Variants in MLF1 observed in about 807,000 individuals in gnomAD.
MLF1 encodes the protein myelodysplasia-myeloid leukemia factor 1.
Under a neutral mutation model 38.3 loss-of-function variants are expected in MLF1, and 37 were observed. That is an observed-to-expected ratio of 0.96 (90% confidence interval 0.74 to 1.27). The LOEUF (loss-of-function observed/expected upper bound fraction) is 1.27. Among genes scored for constraint, MLF1 ranks in the 50% most tolerant of loss-of-function variants. MLF1 has a pLI of 0.00. For synonymous variants in MLF1, 95 were observed against 106.5 expected (o/e 0.89, Z 0.66); for missense variants, 331 against 349.2 (o/e 0.95, Z 0.42).
intron 1 of MLF1, among the ~76,000 whole-genome samples, chr3:158,571,711 G>T (rs1266510541): frequency 5.9e-5 from 6 of 101,772 alleles, no homozygotes; most frequent in African/African-American, 2.5e-4. Context: ...ATGAGGTGGG[G>T]AGAAGAGGTT....
intron 7 of MLF1, 65 bp from the exon 8 acceptor site, chr3:158,605,032 G>T (rs1311106889): frequency 5.2e-6 from 6 of 1,143,152 alleles, no homozygotes; most frequent in South Asian, 2.9e-5. Context: ...TAACATGTTT[G>T]TATTGATTTA....
At chr3:158,582,801 T>G (rs1460679407) in intron 1 of MLF1, 2 of 634,180 alleles carry the variant, frequency 3.2e-6, no homozygotes, top group Non-Finnish European at 5.5e-6. Flanking sequence ...AAAAATTTGG[T>G]GAATTTGTTG....
At chr3:158,593,940 T>C (rs1718528345) in intron 3 of MLF1, among the ~76,000 whole-genome samples, 2 of 152,310 alleles carry the variant, frequency 1.3e-5, no homozygotes, top group South Asian at 4.1e-4. Context: ...TTTTGTGCTG[T>C]GTCTGTGATG....
At chr3:158,575,597 A>G (rs950539620) in intron 1 of MLF1, among the ~76,000 whole-genome samples, 3 of 152,174 alleles carry the variant, frequency 2.0e-5, no homozygotes, top group African/African-American at 7.2e-5. Context: ...GACCTTAGGA[A>G]CATAGAGATG....
At chr3:158,603,432 C>T (rs923141987) in intron 7 of MLF1, among the ~76,000 whole-genome samples, 3 of 152,104 alleles carry the variant, frequency 2.0e-5, no homozygotes, top group African/African-American at 4.8e-5. Flanking sequence ...ATACCATATT[C>T]GATGTGTATT....
intron 1 of MLF1, among the ~76,000 whole-genome samples, chr3:158,590,320 A>G (rs551819344): frequency 4.8e-4 from 73 of 152,320 alleles, no homozygotes; most frequent in Non-Finnish European, 9.6e-4. Flanking sequence ...TTAAACATTG[A>G]CTATCCTATA....
chr3:158,600,376 ATTAC>A (rs1719570338), intron 6 of MLF1, among the ~76,000 whole-genome samples: 1 of 151,870 alleles, frequency 6.6e-6, no homozygotes, highest in Admixed American at 6.6e-5. Flanking sequence ...AATATGGGAT[ATTAC>A]TTATTTTTAT....
At chr3:158,578,529 C>T (rs1380938369) in intron 1 of MLF1, among the ~76,000 whole-genome samples, 1 of 151,728 alleles carries the variant, frequency 6.6e-6, no homozygotes, top group East Asian at 1.9e-4. Context: ...CACACACACA[C>T]GTACACACTA....
intron 1 of MLF1, among the ~76,000 whole-genome samples, chr3:158,573,071 G>C (rs1326562311): frequency 6.6e-6 from 1 of 151,628 alleles, no homozygotes; most frequent in African/African-American, 2.4e-5. Flanking sequence ...TTGCAAATGG[G>C]AGCAGGGAAT....
At chr3:158,572,242 G>T (rs1203192594) in intron 1 of MLF1, among the ~76,000 whole-genome samples, 1 of 123,350 alleles carries the variant, frequency 8.1e-6, no homozygotes, top group Non-Finnish European at 1.7e-5. Context: ...GTTTTGGACC[G>T]CGAGGTGGGG....
intron 2 of MLF1, 66 bp downstream of exon 2, chr3:158,592,647 G>A: frequency 7.9e-7 from 1 of 1,268,202 alleles, no homozygotes; most frequent in Non-Finnish European, 1.1e-6. Context: ...AAGTATTACA[G>A]AAGTATATAT....
In MLF1 at chr3:158,571,267, G is replaced by C; in HGVS notation, c.-34G>C. On this transcript the variant is annotated 5_prime_UTR_variant, in exon 1 of 8. Transcript: ENST00000466246. Reference sequence around the variant, plus strand: ...CGAGTTAACATCGTTTTTCCAATCTGTCCGCGGCTGCCGCCACCCAAGACA... The same window carrying C: ...CGAGTTAACATCGTTTTTCCAATCTCTCCGCGGCTGCCGCCACCCAAGACA... 6.4e-7 allele frequency: 1 copy of C among 1,560,850 alleles called. No individual in the cohort carries two copies.
At chr3:158,602,711 G>A in intron 6 of MLF1, 96 bp from the exon 7 acceptor site, 1 of 1,249,374 alleles carries the variant, frequency 8.0e-7, no homozygotes, top group African/African-American at 1.5e-5. Context: ...TTACACTAAT[G>A]AAAACACCAG....
Position 158,571,202 on chromosome 3 carries a change from C to T in MLF1, c.-99C>T, listed in dbSNP as rs1029041437. The T allele has an allele frequency of 9.7e-6, 9 of 925,668 alleles. No individual in the cohort carries two copies. The highest frequency in any genetic ancestry group is 3.3e-5 in the African/African-American group (2 of 60,976). 57.3% of individuals were successfully genotyped at this position (925,668 alleles called of 1,614,324 possible). A position where few individuals can be genotyped will look rare whatever the true frequency, so the allele number is the denominator to read the frequency against. On this transcript the variant is annotated 5_prime_UTR_variant, in exon 1 of 8. Transcript: ENST00000466246. ...ACCGCCTGCGCCGCGGCGAGTGAGGCGTCGTCCGTACTGGAGGCTAGCTCT... is the reference window on the plus strand; with the variant it reads ...ACCGCCTGCGCCGCGGCGAGTGAGGTGTCGTCCGTACTGGAGGCTAGCTCT...
intron 1 of MLF1, chr3:158,590,724 T>C (rs542581397): frequency 3.1e-4 from 140 of 451,044 alleles, no homozygotes; most frequent in African/African-American, 2.5e-3. Context: ...TAACTAGGGC[T>C]AGGAGCAGGT....
At chr3:158,594,841 G>T (rs370753018) in intron 3 of MLF1, among the ~76,000 whole-genome samples, 53 of 152,258 alleles carry the variant, frequency 3.5e-4, no homozygotes, top group East Asian at 3.1e-3. Context: ...TACAGATACA[G>T]GAGTGAGGTG....
intron 1 of MLF1, among the ~76,000 whole-genome samples, chr3:158,580,152 A>G (rs1716106077): frequency 6.6e-6 from 1 of 152,158 alleles, no homozygotes; most frequent in Non-Finnish European, 1.5e-5. Flanking sequence ...GGGTGGAAGT[A>G]GGGAGAGCAT....
intron 1 of MLF1, among the ~76,000 whole-genome samples, chr3:158,589,100 T>G (rs1315690225): frequency 2.0e-5 from 3 of 152,234 alleles, no homozygotes. Flanking sequence ...AGCCTTTAAT[T>G]AAGAATAGTT....
At chr3:158,596,586 T>A (rs1050785300) in intron 3 of MLF1, among the ~76,000 whole-genome samples, 1 of 152,202 alleles carries the variant, frequency 6.6e-6, no homozygotes, top group Non-Finnish European at 1.5e-5. Flanking sequence ...ATTAGGTGTG[T>A]ATGTGTTTTT....
Sources: gnomAD v4.1 joint callset for allele counts (sites outside exome capture counted in the v4.1 genomes callset) on GRCh38, gnomAD v4.1.1 for gene constraint, MANE v1.5 for transcripts, NCBI Gene and HGNC (gene_info 2026-07-23, HGNC 2026-07-21) for gene names.